The following AOPEP variants were observed in gnomAD, a reference collection of about 807,000 sequenced individuals.
AOPEP encodes the protein aminopeptidase O.
Under a neutral mutation model 98.1 loss-of-function variants are expected in AOPEP, and 77 were observed. The observed-to-expected ratio is 0.78, with a 90% CI of 0.65 to 0.95. AOPEP has a LOEUF of 0.95. Ranked by LOEUF, AOPEP falls within the 40% of genes least tolerant of loss-of-function variation. AOPEP has a pLI of 0.00. For synonymous variants in AOPEP, 346 were observed against 365.3 expected, an observed-to-expected ratio of 0.95 and a Z score of 0.60; for missense variants, 1,024 against 1,024.7, an observed-to-expected ratio of 1.00 and a Z score of 0.01.
intron 5 of AOPEP, among the ~76,000 whole-genome samples, chr9:94,883,178 T>C (rs561761697): frequency 6.6e-6 from 1 of 152,312 alleles, no homozygotes; most frequent in South Asian, 2.1e-4. Context: ...CCCCGCTTCG[T>C]TGCCTGCTGT....
chr9:94,791,620 A>G (rs1845744478), intron 3 of AOPEP, among the ~76,000 whole-genome samples: 1 of 152,096 alleles, frequency 6.6e-6, no homozygotes, highest in South Asian at 2.1e-4. Context: ...CAAGAGGTTG[A>G]GCTGCAGTGA....
intron 5 of AOPEP, among the ~76,000 whole-genome samples, chr9:94,879,432 C>T (rs1280220282): frequency 1.3e-5 from 2 of 152,252 alleles, no homozygotes; most frequent in South Asian, 2.1e-4. Context: ...GTTTCATTTC[C>T]AGAAGACTGA....
At chr9:94,743,223 A>AGAAGAAGAG (rs1435684311) in intron 1 of AOPEP, among the ~76,000 whole-genome samples, 14 of 64,712 alleles carry the variant, frequency 2.2e-4, no homozygotes, top group Admixed American at 8.0e-4. Flanking sequence ...AAGAAGAGGA[A>AGAAGAAGAG]GAAGAAGAGG....
chr9:95,116,701 C>T, the AOPEP span, among the ~76,000 whole-genome samples: 3 of 152,146 alleles, frequency 2.0e-5, no homozygotes, highest in African/African-American at 4.8e-5. Context: ...GTCTCCTAAG[C>T]GTGAGCTCAC....
chr9:95,058,691 C>T (rs1394754483), intron 13 of AOPEP, among the ~76,000 whole-genome samples: 1 of 152,132 alleles, frequency 6.6e-6, no homozygotes, highest in Non-Finnish European at 1.5e-5. Context: ...TGCTGTTTGA[C>T]AGCAGCACAA....
At chr9:94,811,980 T>G (rs904276527) in intron 5 of AOPEP, among the ~76,000 whole-genome samples, 21 of 152,106 alleles carry the variant, frequency 1.4e-4, no homozygotes, top group African/African-American at 5.1e-4. Flanking sequence ...TACCAACACT[T>G]CGATAGTTTC....
At chr9:95,114,444 A>C in the AOPEP span, 2 of 695,346 alleles carry the variant, frequency 2.9e-6, no homozygotes, top group Non-Finnish European at 5.3e-6. Context: ...ATTCATCCTG[A>C]CCTGCTCCAA....
intron 10 of AOPEP, among the ~76,000 whole-genome samples, chr9:94,977,769 C>T (rs182924784): frequency 9.2e-5 from 14 of 152,296 alleles, no homozygotes; most frequent in African/African-American, 2.6e-4. Flanking sequence ...GAGGTCTGCC[C>T]GGTAATTCCA....
At chr9:95,035,754 C>T (rs766978794) in intron 13 of AOPEP, among the ~76,000 whole-genome samples, 7 of 151,922 alleles carry the variant, frequency 4.6e-5, no homozygotes, top group Non-Finnish European at 7.4e-5. Flanking sequence ...CTCCCAACCT[C>T]GGGTGATCTG....
intron 5 of AOPEP, among the ~76,000 whole-genome samples, chr9:94,872,998 A>G (rs2046522134): frequency 6.6e-6 from 1 of 152,186 alleles, no homozygotes; most frequent in Admixed American, 6.5e-5. Flanking sequence ...CAATAAGGAA[A>G]GGAAATATAT....
the AOPEP span, among the ~76,000 whole-genome samples, chr9:95,096,341 G>A: frequency 6.6e-6 from 1 of 152,186 alleles, no homozygotes; most frequent in African/African-American, 2.4e-5. Flanking sequence ...GGATGTGGAG[G>A]TGGGAGAAAG....
At chr9:95,110,958 C>G in the AOPEP span, 1 of 1,393,012 alleles carries the variant, frequency 7.2e-7, no homozygotes, top group South Asian at 1.7e-5. Flanking sequence ...TTAATATCAT[C>G]TGATTACTTT....
At chr9:95,027,098 A>C (rs146838634) in intron 13 of AOPEP, among the ~76,000 whole-genome samples, 46 of 151,976 alleles carry the variant, frequency 3.0e-4, no homozygotes, top group Admixed American at 1.6e-3. Flanking sequence ...CCATCTCTAT[A>C]AAAAAATACA....
rs764602498 is a variant in AOPEP at position 94,955,180 on chromosome 9, C to T, written c.1665C>T (p.Pro555=). Residue 555 remains proline (P), a synonymous_variant, in exon 8 of 17, where the codon CCC becomes CCT. Coordinates refer to ENST00000375315, the MANE Select transcript of AOPEP (RefSeq NM_001193329.3). ...CSPEEMQVLR[P]SKDKTGHTSD... The stretch of plus-strand genomic sequence containing the variant: ...AATTGTTACTAAATCGTTTTAGACC[C>T]AGTAAAGACAAAACTGGCCACACAA... The T allele has an allele frequency of 4.4e-6, 7 of 1,603,518 alleles. No homozygotes were observed. The East Asian group carries it at 1.6e-4, about 36-fold the overall frequency.
At chr9:95,076,233 A>G (rs1464662122) in intron 14 of AOPEP, among the ~76,000 whole-genome samples, 2 of 152,202 alleles carry the variant, frequency 1.3e-5, no homozygotes. Flanking sequence ...GTGGGGTCTC[A>G]CGTCGATTTT....
intron 14 of AOPEP, among the ~76,000 whole-genome samples, chr9:95,066,876 C>A (rs1356713236): frequency 1.3e-5 from 2 of 152,192 alleles, no homozygotes; most frequent in East Asian, 3.8e-4. Flanking sequence ...TTAATTGGTG[C>A]TTCTGGGTTC....
intron 14 of AOPEP, among the ~76,000 whole-genome samples, chr9:95,074,243 G>A (rs952944447): frequency 1.3e-5 from 2 of 152,202 alleles, no homozygotes; most frequent in Admixed American, 6.5e-5. Context: ...TGTCAGTGGG[G>A]TAGGGTCCAC....
intron 5 of AOPEP, among the ~76,000 whole-genome samples, chr9:94,878,605 C>T (rs2047233510): frequency 6.6e-6 from 1 of 152,130 alleles, no homozygotes; most frequent in African/African-American, 2.4e-5. Context: ...GAGAGTGGAA[C>T]ATCCATTAGG....
chr9:95,074,139 G>T (rs1416907657), intron 14 of AOPEP, among the ~76,000 whole-genome samples: 2 of 152,096 alleles, frequency 1.3e-5, no homozygotes, highest in South Asian at 4.1e-4. Context: ...TTCCTTCCAC[G>T]TGCTTTTTGG....
Sources: gnomAD v4.1 joint callset for allele counts (sites outside exome capture counted in the v4.1 genomes callset) on GRCh38, gnomAD v4.1.1 for gene constraint, MANE v1.5 for transcripts, NCBI Gene and HGNC (gene_info 2026-07-23, HGNC 2026-07-21) for gene names.